The following SPI1 variants were observed in gnomAD, a reference collection of about 807,000 sequenced individuals.
SPI1 encodes the protein Spi-1 proto-oncogene.
Under a neutral mutation model 30.7 loss-of-function variants are expected in SPI1, and 3 were observed. The ratio of observed to expected loss-of-function variants is 0.10; its 90% CI spans 0.04 to 0.25. The LOEUF (loss-of-function observed/expected upper bound fraction) is 0.25, where lower values mean the gene tolerates loss of function less well. SPI1 is among the 10% of genes least tolerant of loss of function. SPI1 has a pLI of 1.00. For missense variants in SPI1, 261 were observed against 371.5 expected, an observed-to-expected ratio of 0.70 and a Z score of 2.45; for synonymous variants, 169 against 157.1, an observed-to-expected ratio of 1.08 and a Z score of -0.56.
intron 2 of SPI1, among the ~76,000 whole-genome samples, chr11:47,364,795 G>A (rs992457626): frequency 1.3e-5 from 2 of 152,166 alleles, no homozygotes; most frequent in African/African-American, 4.8e-5. Context: ...ATCACTTGGA[G>A]AGGCTGGAAA....
At chr11:47,368,463 T>C (rs2095931424) in intron 2 of SPI1, among the ~76,000 whole-genome samples, 1 of 152,224 alleles carries the variant, frequency 6.6e-6, no homozygotes. Context: ...CCCTTCTTCA[T>C]AGCAGCGTTC....
intron 2 of SPI1, among the ~76,000 whole-genome samples, chr11:47,361,286 C>G (rs1266872435): frequency 1.3e-5 from 2 of 152,170 alleles, no homozygotes; most frequent in East Asian, 3.9e-4. Flanking sequence ...TCCTCACACA[C>G]TAGAACTTGT....
In SPI1 at chr11:47,359,024, G is replaced by A. The variant is rs1321603794; in HGVS notation, c.331-18C>T. 2.0e-6 allele frequency: 3 copies of A among 1,519,034 alleles called. No homozygotes were observed. Among genetic ancestry groups the A allele is most frequent in the East Asian group, 4.5e-5 (2 of 43,978 alleles). The allele number at this position is 1,519,034 out of a possible 1,614,324, so 94.1% of individuals were successfully genotyped here. ...TAGGAGACCTGGACGGTGGGGGAAG[G>A]AGATCAGAGTCAGGAAGGGCCAGCT... On this transcript the variant is annotated intron_variant, in intron 3 of 4. Coordinates refer to ENST00000378538, the MANE Select transcript of SPI1 (RefSeq NM_003120.3). The surrounding 1 kb of genome is among the most constrained non-coding windows in gnomAD (Gnocchi z 5.1).
chr11:47,357,982 C>T (rs866113853), intron 4 of SPI1, among the ~76,000 whole-genome samples: 1 of 151,180 alleles, frequency 6.6e-6, no homozygotes, highest in African/African-American at 2.4e-5. Flanking sequence ...ACGTCCTCAC[C>T]CCCCACACAC....
At chr11:47,373,657 A>G (rs112817265) in intron 2 of SPI1, among the ~76,000 whole-genome samples, 10 of 152,146 alleles carry the variant, frequency 6.6e-5, no homozygotes, top group African/African-American at 9.6e-5. Flanking sequence ...AAAAAAAAAA[A>G]AAAAGAAAAG....
Position 47,359,874 on chromosome 11 carries a change from G to T in SPI1, c.309C>A (p.Pro103=). 6.2e-7 allele frequency: 1 copy of T among 1,607,206 alleles called. No homozygotes were observed. The stretch of plus-strand genomic sequence containing the variant: ...GCACCTGGTGGCCAAGACTGGGATG[G>T]GGTGGCACCATGGGGGTATCGAGGA... ...MHVLDTPMVP[P]HPSLGHQVSY... The change falls in exon 3 of 5, where the codon CCC becomes CCA. Residue 103 remains proline (P), a synonymous_variant. Transcript: ENST00000378538. This position sits in a 1 kb window ranked among gnomAD's most constrained non-coding sequence, Gnocchi z 5.1.
In SPI1 at chr11:47,358,725, GCACA is replaced by G. The variant is rs3832728; in HGVS notation, c.493+115_493+118del. The G allele has an allele frequency of 4.5e-4, 429 of 943,384 alleles. 1 individual carries two copies. In the African/African-American group the frequency reaches 5.8e-3, roughly 13 times the overall value. 58.4% of individuals were successfully genotyped at this position (943,384 alleles called of 1,614,324 possible). ...ACAAAACACACACACTGGCAAACAT[GCACA>G]CACACACACACGCGACTCGGTGGCG... On this transcript the variant is annotated intron_variant, in intron 4 of 4. Transcript: ENST00000378538.
chr11:47,376,781 C>T (rs557512753), intron 1 of SPI1, among the ~76,000 whole-genome samples: 65 of 152,288 alleles, frequency 4.3e-4, no homozygotes, highest in African/African-American at 1.5e-3. Flanking sequence ...GATTGCATAA[C>T]AGTCACTGTG....
intron 2 of SPI1, among the ~76,000 whole-genome samples, chr11:47,369,428 C>T (rs765305299): frequency 1.3e-5 from 2 of 151,842 alleles, no homozygotes; most frequent in Non-Finnish European, 2.9e-5. Context: ...TTTTTTCCAG[C>T]TCCTATTCTT....
chr11:47,376,684 C>T (rs1038307373), intron 1 of SPI1, among the ~76,000 whole-genome samples: 1 of 152,102 alleles, frequency 6.6e-6, no homozygotes, highest in African/African-American at 2.4e-5. Context: ...TCCTCCTCCC[C>T]CTACTGGCAC....
chr11:47,360,454 G>A (rs2095919008), intron 2 of SPI1, among the ~76,000 whole-genome samples: 1 of 152,304 alleles, frequency 6.6e-6, no homozygotes, highest in South Asian at 2.1e-4. Flanking sequence ...GGGAAGATAC[G>A]AATGAGTACA....
At position 47,355,048 on chromosome 11, in the gene SPI1, AG is replaced by A; in HGVS notation, c.*178del. 1.3e-5 allele frequency: 4 copies of A among 301,244 alleles called. No homozygotes were observed. Among genetic ancestry groups the A allele is most frequent in the Non-Finnish European group, 2.0e-5 (4 of 200,506 alleles). The allele number at this position is 301,244 out of a possible 1,614,324, so 18.7% of individuals were successfully genotyped here. On this transcript the variant is annotated 3_prime_UTR_variant, in exon 5 of 5. Transcript: ENST00000378538. ...GGAGCCGGGGTGGAGTCCTGGAGGGAGGCGAAGCGGGATGTGGAGGGGGCCT... is the reference window on the plus strand; with the variant it reads ...GGAGCCGGGGTGGAGTCCTGGAGGGAGCGAAGCGGGATGTGGAGGGGGCCT...
At position 47,359,765 on chromosome 11, in the gene SPI1, A is replaced by G; in HGVS notation, c.330+88T>C. On this transcript the variant is annotated intron_variant, in intron 3 of 4. Transcript: ENST00000378538. The surrounding 1 kb of genome is among the most constrained non-coding windows in gnomAD (Gnocchi z 5.1). ...GTGGGGCAGGAAGCTGAGTTGGGTAAGAGCCTGTGTCAGCTTCCTGTGAAG... is the reference window on the plus strand; with the variant it reads ...GTGGGGCAGGAAGCTGAGTTGGGTAGGAGCCTGTGTCAGCTTCCTGTGAAG... The G allele has an allele frequency of 2.8e-6, 4 of 1,452,322 alleles. No individual in the cohort carries two copies. Among genetic ancestry groups the G allele is most frequent in the Non-Finnish European group, 3.8e-6 (4 of 1,061,262 alleles). The allele number at this position is 1,452,322 out of a possible 1,614,324, so 90.0% of individuals were successfully genotyped here.
intron 4 of SPI1, among the ~76,000 whole-genome samples, 169 bp from the exon 5 acceptor site, chr11:47,355,715 CACACA>C (rs2095907204): frequency 6.6e-6 from 1 of 151,912 alleles, no homozygotes; most frequent in African/African-American, 2.4e-5. Context: ...CACTCACACA[CACACA>C]CATGCTTGCG....
intron 2 of SPI1, among the ~76,000 whole-genome samples, chr11:47,366,141 A>G (rs1021520506): frequency 2.6e-5 from 4 of 152,188 alleles, no homozygotes; most frequent in African/African-American, 9.6e-5. Flanking sequence ...TCATGGAACC[A>G]TTATCCATCC....
rs1394635366 is a variant in SPI1 at position 47,359,353 on chromosome 11, A to G, written c.331-347T>C. ...GGGGTCAGAAGAGGGCATGCTAGGG[A>G]CCGGTGCGTTGGGTCTGGAAGGGGG... On this transcript the variant is annotated intron_variant, in intron 3 of 4. Coordinates refer to ENST00000378538, the MANE Select transcript of SPI1 (RefSeq NM_003120.3). The surrounding 1 kb of genome is among the most constrained non-coding windows in gnomAD (Gnocchi z 5.1). Among the ~76,000 whole-genome samples the G allele has an allele frequency of 6.6e-6, 1 of 151,966 alleles. No homozygotes were observed. Among genetic ancestry groups the G allele is most frequent in the East Asian group, 1.9e-4 (1 of 5,176 alleles).
At chr11:47,368,766 A>G (rs188031159) in intron 2 of SPI1, among the ~76,000 whole-genome samples, 14 of 152,106 alleles carry the variant, frequency 9.2e-5, no homozygotes, top group Admixed American at 2.0e-4. Context: ...GGCTGGGGGG[A>G]GGGAAAATGA....
intron 4 of SPI1, among the ~76,000 whole-genome samples, chr11:47,356,736 A>C (rs1416005767): frequency 6.8e-6 from 1 of 147,458 alleles, no homozygotes; most frequent in Non-Finnish European, 1.5e-5. Flanking sequence ...CTTACACCAC[A>C]CCATTCACTC....
chr11:47,358,570 TGCTC>T lies in SPI1; in HGVS notation c.493+270_493+273del, dbSNP rs1565637590. The T allele has an allele frequency of 8.6e-6, 6 of 700,928 alleles. No individual in the cohort carries two copies. The Admixed American group carries it at 1.2e-4, about 14-fold the overall frequency. The allele number at this position is 700,928 out of a possible 1,614,324, so 43.4% of individuals were successfully genotyped here. A position where few individuals can be genotyped will look rare whatever the true frequency, so the allele number is the denominator to read the frequency against. ...TGTGCACACGCACCCTCTGCACACT[TGCTC>T]ACACACACCCAGATGTACACACACT... is the stretch of plus-strand genomic sequence containing the variant. On this transcript the variant is annotated intron_variant, in intron 4 of 4. Transcript: ENST00000378538.
Sources: gnomAD v4.1 joint callset for allele counts (sites outside exome capture counted in the v4.1 genomes callset) on GRCh38, gnomAD v4.1.1 for gene constraint, Gnocchi (gnomAD v3.1) non-coding constraint, MANE v1.5 for transcripts, NCBI Gene and HGNC (gene_info 2026-07-23, HGNC 2026-07-21) for gene names.